The following DNAH11 variants were observed in gnomAD, a reference collection of about 807,000 sequenced individuals.
DNAH11 encodes axonemal beta dynein heavy chain 11.
A neutral mutation model predicts 526.0 loss-of-function variants in DNAH11; 442 were observed. The ratio of observed to expected loss-of-function variants is 0.84; its 90% CI spans 0.78 to 0.91. The LOEUF (loss-of-function observed/expected upper bound fraction) is 0.91. Among genes scored for constraint, DNAH11 ranks in the 40% least tolerant of loss-of-function variants. DNAH11 has a pLI of 0.00. For missense variants in DNAH11, 6,989 were observed against 5,448.7 expected (o/e 1.28, Z -8.90); for synonymous variants, 2,461 against 1,935.9 (o/e 1.27, Z -7.12).
chr7:21,547,203 T>C (rs746591709), intron 2 of DNAH11, among the ~76,000 whole-genome samples: 1 of 152,226 alleles, frequency 6.6e-6, no homozygotes, highest in Non-Finnish European at 1.5e-5. Context: ...GCTTTAGCTG[T>C]TTGAGTTACG....
intron 48 of DNAH11, 66 bp downstream of exon 48, chr7:21,739,739 A>C (rs200349713): frequency 9.6e-6 from 12 of 1,254,458 alleles, no homozygotes; most frequent in Middle Eastern, 3.7e-4. Flanking sequence ...AGTACAGCTT[A>C]GGATTCCTAT....
At chr7:21,844,230 G>C (rs1017973805) in intron 66 of DNAH11, among the ~76,000 whole-genome samples, 2 of 152,166 alleles carry the variant, frequency 1.3e-5, no homozygotes, top group African/African-American at 2.4e-5. Context: ...TTTGAGACCA[G>C]CCTGGCCAAC....
chr7:21,734,815 G>A (rs1364464216), intron 45 of DNAH11, among the ~76,000 whole-genome samples: 5 of 151,678 alleles, frequency 3.3e-5, no homozygotes, highest in South Asian at 4.2e-4. Context: ...CCATCATCAC[G>A]CCACTGCACT....
chr7:21,727,846 G>A (rs572193371), intron 45 of DNAH11, among the ~76,000 whole-genome samples: 2 of 152,208 alleles, frequency 1.3e-5, no homozygotes, highest in African/African-American at 4.8e-5. Flanking sequence ...CTAGAGGCTA[G>A]AAGTCCAAGA....
chr7:21,790,175 A>G (rs538649362), intron 61 of DNAH11, among the ~76,000 whole-genome samples: 3 of 152,208 alleles, frequency 2.0e-5, no homozygotes, highest in South Asian at 4.1e-4. Flanking sequence ...GGCTCGGCGC[A>G]GTGGCTCACA....
Position 21,658,806 on chromosome 7 carries a change from A to C in DNAH11, c.5103A>C (p.Thr1701=), listed in dbSNP as rs748596773. 6.3e-7 allele frequency: 1 copy of C among 1,577,356 alleles called. No individual in the cohort carries two copies. Among genetic ancestry groups the C allele is most frequent in the Non-Finnish European group, 8.6e-7 (1 of 1,161,070 alleles). ...TCAACTTGCTTCCAAAGGTGGAAAC[A>C]TGGCTTCTGCAACTTGAACAGACTA... ...AECECVGHVE[T]WLLQLEQTMQ... Residue 1701 remains threonine (T), a synonymous_variant, in exon 30 of 82, where the codon ACA becomes ACC. Coordinates refer to ENST00000409508, the MANE Select transcript of DNAH11 (RefSeq NM_001277115.2).
intron 76 of DNAH11, 85 bp from the exon 77 acceptor site, chr7:21,892,340 G>C: frequency 1.2e-5 from 18 of 1,529,024 alleles, no homozygotes; most frequent in Non-Finnish European, 1.6e-5. Context: ...GAGCCTTCTT[G>C]TCAGGGTCTT....
chr7:21,621,266 A>G (rs963139680), intron 25 of DNAH11, among the ~76,000 whole-genome samples: 3 of 152,186 alleles, frequency 2.0e-5, no homozygotes, highest in African/African-American at 4.8e-5. Flanking sequence ...CCCAAGACTA[A>G]ACCAGGAAGA....
chr7:21,632,619 A>G (rs879591300), intron 25 of DNAH11, among the ~76,000 whole-genome samples: 4 of 152,160 alleles, frequency 2.6e-5, no homozygotes, highest in Admixed American at 1.3e-4. Flanking sequence ...AAAACATAAC[A>G]AGAGTCACCT....
In DNAH11 at chr7:21,617,635, A is replaced by T. The variant is rs548668087; in HGVS notation, c.4112A>T (p.Asn1371Ile). The part of the protein sequence containing the change: ...RRFAKEIWSL[N>I]KEVRVWDAYT... ...TTTCTTTAGGAAATTTGGTCACTCA[A>T]CAAGGAAGTCCGCGTCTGGGATGCT... The change falls in exon 23 of 82, where the codon AAC (asparagine) becomes ATC (isoleucine). Residue 1371 changes from asparagine to isoleucine, a missense_variant. By Grantham distance (149) the Asn-to-Ile change is moderately radical. Transcript: ENST00000409508. The T allele has an allele frequency of 1.2e-6, 2 of 1,613,790 alleles. No homozygotes were observed. Among genetic ancestry groups the T allele is most frequent in the South Asian group, 2.2e-5 (2 of 91,076 alleles).
At chr7:21,747,431 C>A (rs148710645) in intron 51 of DNAH11, among the ~76,000 whole-genome samples, 1 of 152,316 alleles carries the variant, frequency 6.6e-6, no homozygotes, top group East Asian at 1.9e-4. Flanking sequence ...TTCAGAAAAG[C>A]ACCCTAGAGC....
Position 21,749,604 on chromosome 7 carries a change from C to G in DNAH11, c.8674-74C>G, listed in dbSNP as rs187011827. On this transcript the variant is annotated intron_variant, in intron 52 of 81. Coordinates refer to ENST00000409508, the MANE Select transcript of DNAH11 (RefSeq NM_001277115.2). ...TGGCGATACAGTTACTGAGTTCTCC[C>G]CAGCACTCACACACAACCTCTCAAC... 450 of 1,577,466 alleles carry G rather than the reference C, an allele frequency of 2.9e-4. 4 individuals carry two copies. In the East Asian group the frequency reaches 4.7e-3, roughly 16 times the overall value.
At chr7:21,851,512 T>C (rs1387015938) in intron 66 of DNAH11, 1 of 470,860 alleles carries the variant, frequency 2.1e-6, no homozygotes, top group Non-Finnish European at 4.4e-6. Context: ...CAGAAAGTTC[T>C]GGACATATTT....
intron 30 of DNAH11, among the ~76,000 whole-genome samples, chr7:21,676,377 TC>T (rs1241528346): frequency 6.6e-6 from 1 of 152,192 alleles, no homozygotes; most frequent in Non-Finnish European, 1.5e-5. Context: ...AGGAGTGTTT[TC>T]TATGTCACAG....
intron 21 of DNAH11, 42 bp downstream of exon 21, chr7:21,615,314 T>G: frequency 6.3e-7 from 1 of 1,597,840 alleles, no homozygotes; most frequent in Non-Finnish European, 8.5e-7. Flanking sequence ...ATTTAGTAGT[T>G]CTTTTACATA....
At chr7:21,760,047 C>G (rs982002574) in intron 54 of DNAH11, among the ~76,000 whole-genome samples, 1 of 151,168 alleles carries the variant, frequency 6.6e-6, no homozygotes, top group Non-Finnish European at 1.5e-5. Flanking sequence ...TATTTTTTCA[C>G]GGACTTTCTA....
intron 30 of DNAH11, among the ~76,000 whole-genome samples, chr7:21,659,242 A>G (rs566936876): frequency 6.7e-6 from 1 of 148,640 alleles, no homozygotes. Context: ...CATCGTGTCT[A>G]TTGTCTTCTA....
intron 54 of DNAH11, among the ~76,000 whole-genome samples, chr7:21,758,940 C>T (rs917425610): frequency 1.3e-5 from 2 of 152,194 alleles, no homozygotes; most frequent in African/African-American, 4.8e-5. Context: ...CAGAGCAGCG[C>T]TGATCAGAAG....
Position 21,709,644 on chromosome 7 carries a change from C to G in DNAH11, c.6684-909C>G, listed in dbSNP as rs146777058. 3.7e-3 allele frequency among the ~76,000 whole-genome samples: 557 copies of G among 152,286 alleles called. 1 individual carries two copies. Among genetic ancestry groups the G allele is most frequent in the African/African-American group, 0.012 (516 of 41,548 alleles). On this transcript the variant is annotated intron_variant, in intron 40 of 81. Coordinates refer to ENST00000409508, the MANE Select transcript of DNAH11 (RefSeq NM_001277115.2). ...CCTTCATCATTCTCTATCCTCTCGT[C>G]TTGTGTACACTCCTTTTTCTGTGGG...
Sources: gnomAD v4.1 joint callset for allele counts (sites outside exome capture counted in the v4.1 genomes callset) on GRCh38, gnomAD v4.1.1 for gene constraint, MANE v1.5 for transcripts, NCBI Gene and HGNC (gene_info 2026-07-23, HGNC 2026-07-21) for gene names.